The following LUC7L2 variants were observed in gnomAD, a reference collection of about 807,000 sequenced individuals.
The protein encoded by LUC7L2 is putative RNA-binding protein Luc7-like 2.
LUC7L2 carries 25 observed loss-of-function variants against 52.8 expected under a neutral mutation model. The ratio of observed to expected loss-of-function variants is 0.47; its 90% CI spans 0.34 to 0.66. The LOEUF is 0.66. LUC7L2 is among the 30% of genes least tolerant of loss of function. LUC7L2 has a pLI of 0.01. For missense variants in LUC7L2, 328 were observed against 497.8 expected (o/e 0.66, Z 3.25); for synonymous variants, 144 against 160.9 (o/e 0.89, Z 0.80).
intron 1 of LUC7L2, among the ~76,000 whole-genome samples, chr7:139,362,338 GTTTA>G (rs946723527): frequency 6.6e-6 from 1 of 151,850 alleles, no homozygotes; most frequent in African/African-American, 2.4e-5. Context: ...CATTTAATGA[GTTTA>G]TATATATCAT....
At chr7:139,345,766 T>G (rs1237741670) in intron 1 of LUC7L2, 13 of 1,465,686 alleles carry the variant, frequency 8.9e-6, no homozygotes, top group Non-Finnish European at 1.2e-5. Context: ...TATCAATATG[T>G]ATTTATCATT....
intron 1 of LUC7L2, among the ~76,000 whole-genome samples, chr7:139,348,730 T>A (rs36032227): frequency 0.25 from 37,435 of 151,366 alleles, 5,241 homozygotes; most frequent in East Asian, 0.52. Flanking sequence ...AAAAAAAAAA[T>A]ATTTATATTA....
intron 4 of LUC7L2, among the ~76,000 whole-genome samples, chr7:139,403,810 A>G (rs557324119): frequency 6.6e-6 from 1 of 152,304 alleles, no homozygotes; most frequent in East Asian, 1.9e-4. Flanking sequence ...AGTCCACTAG[A>G]GGATGCAGAG....
At chr7:139,348,587 T>C (rs1433536916) in intron 1 of LUC7L2, among the ~76,000 whole-genome samples, 3 of 151,328 alleles carry the variant, frequency 2.0e-5, no homozygotes, top group Non-Finnish European at 4.4e-5. Context: ...GACTTAGTGG[T>C]GTGTGCCTGT....
intron 2 of LUC7L2, among the ~76,000 whole-genome samples, chr7:139,394,403 C>T (rs1242277478): frequency 1.3e-5 from 2 of 152,166 alleles, no homozygotes; most frequent in African/African-American, 4.8e-5. Flanking sequence ...ACCAAAAAGT[C>T]CACCTCTACT....
Position 139,388,447 on chromosome 7 carries a change from A to G in LUC7L2, c.157-10152A>G, listed in dbSNP as rs978360619. The stretch of plus-strand genomic sequence containing the variant: ...AAAGCAGCAGCGTTATGTATGCACA[A>G]TGTGCCCCATTTCTCTTCACCCTAT... On this transcript the variant is annotated intron_variant, in intron 2 of 9. Coordinates refer to ENST00000354926, the MANE Select transcript of LUC7L2 (RefSeq NM_016019.5). Among the ~76,000 whole-genome samples the G allele has an allele frequency of 2.1e-4, 32 of 151,962 alleles. 1 individual carries two copies. The highest frequency in any genetic ancestry group is 1.2e-4 in the Non-Finnish European group (8 of 68,002).
chr7:139,390,470 C>T (rs1037666167), intron 2 of LUC7L2, among the ~76,000 whole-genome samples: 12 of 151,970 alleles, frequency 7.9e-5, no homozygotes, highest in African/African-American at 1.9e-4. Flanking sequence ...CTCAAGTGAT[C>T]CACCTGCCTC....
At chr7:139,343,535 A>C (rs767844715) in intron 1 of LUC7L2, among the ~76,000 whole-genome samples, 2 of 152,170 alleles carry the variant, frequency 1.3e-5, no homozygotes, top group Non-Finnish European at 2.9e-5. Context: ...AGCCATGTTC[A>C]TACCACTGCT....
intron 1 of LUC7L2, among the ~76,000 whole-genome samples, chr7:139,364,813 G>A (rs937394995): frequency 2.0e-5 from 3 of 152,126 alleles, no homozygotes; most frequent in African/African-American, 4.8e-5. Flanking sequence ...TGTAATCTGT[G>A]TTCCTTGACT....
At chr7:139,375,497 T>G in intron 1 of LUC7L2, 1 of 985,400 alleles carries the variant, frequency 1.0e-6, no homozygotes, top group South Asian at 4.7e-5. Context: ...CCTCTCTAAC[T>G]CCTCCCAGCA....
At chr7:139,412,516 C>A in intron 7 of LUC7L2, 35 bp from the exon 8 acceptor site, 5 of 1,574,334 alleles carry the variant, frequency 3.2e-6, no homozygotes, top group Non-Finnish European at 4.3e-6. Context: ...TTATTTATAG[C>A]CACTTTTCTA....
At chr7:139,377,091 C>G (rs1800749726) in intron 2 of LUC7L2, among the ~76,000 whole-genome samples, 1 of 152,060 alleles carries the variant, frequency 6.6e-6, no homozygotes, top group African/African-American at 2.4e-5. Context: ...GAAAAAAGAG[C>G]CTAAGTTTAT....
intron 1 of LUC7L2, among the ~76,000 whole-genome samples, chr7:139,353,866 G>C (rs1452239475): frequency 6.6e-6 from 1 of 152,062 alleles, no homozygotes; most frequent in Non-Finnish European, 1.5e-5. Context: ...TGTAATCCCA[G>C]CACTTTGAGA....
intron 8 of LUC7L2, chr7:139,416,621 C>A (rs1275449453): frequency 6.6e-6 from 1 of 152,056 alleles, no homozygotes. Flanking sequence ...GTAGCCTTGA[C>A]TTCCTGGGCT....
At chr7:139,352,101 AG>A (rs1160495540) in intron 1 of LUC7L2, among the ~76,000 whole-genome samples, 1 of 152,166 alleles carries the variant, frequency 6.6e-6, no homozygotes, top group Non-Finnish European at 1.5e-5. Flanking sequence ...AGGCCGAGGT[AG>A]GAAGATCACT....
chr7:139,352,078 C>T (rs1336742070), intron 1 of LUC7L2, among the ~76,000 whole-genome samples: 1 of 151,892 alleles, frequency 6.6e-6, no homozygotes, highest in Non-Finnish European at 1.5e-5. Context: ...CCCCATAGTC[C>T]CAGCTACTCA....
chr7:139,361,276 C>G (rs185425026), intron 1 of LUC7L2, among the ~76,000 whole-genome samples: 1 of 152,138 alleles, frequency 6.6e-6, no homozygotes, highest in African/African-American at 2.4e-5. Flanking sequence ...CAGCAAAATC[C>G]TTGGTAGTTT....
At chr7:139,376,039 T>G in intron 1 of LUC7L2, 23 bp from the exon 2 acceptor site, 1 of 1,612,380 alleles carries the variant, frequency 6.2e-7, no homozygotes, top group Non-Finnish European at 8.5e-7. Flanking sequence ...ACCTTGAATG[T>G]TATTAACTCT....
At chr7:139,380,023 C>A (rs532389308) in intron 2 of LUC7L2, among the ~76,000 whole-genome samples, 2 of 150,682 alleles carry the variant, frequency 1.3e-5, no homozygotes, top group African/African-American at 2.4e-5. Flanking sequence ...ACTGAAAATA[C>A]AAAAAATTAG....
Sources: allele counts gnomAD v4.1 joint callset (sites outside exome capture counted in the v4.1 genomes callset), GRCh38; gene constraint gnomAD v4.1.1; transcripts MANE v1.5; gene names NCBI Gene and HGNC (gene_info 2026-07-23, HGNC 2026-07-21).